CISD1: variants seen among roughly 807,000 people sequenced by gnomAD.
The protein encoded by CISD1 is CDGSH iron sulfur domain 1.
A neutral mutation model predicts 12.0 loss-of-function variants in CISD1; 8 were observed. The observed-to-expected ratio is 0.67, with a 90% CI of 0.39 to 1.20. The LOEUF (loss-of-function observed/expected upper bound fraction) is 1.20. CISD1 is among the 50% of genes most tolerant of loss of function. The pLI is 0.01. For synonymous variants in CISD1, 38 were observed against 42.2 expected (o/e 0.90, Z 0.39); for missense variants, 107 against 132.7 (o/e 0.81, Z 0.95).
intron 1 of CISD1, chr10:58,276,294 T>C (rs1839314210): frequency 6.6e-6 from 1 of 152,174 alleles, no homozygotes; most frequent in Admixed American, 6.5e-5. Flanking sequence ...GTCAGTTTTT[T>C]TATTATTAGA....
At chr10:58,274,508 A>C (rs1839289778) in intron 1 of CISD1, among the ~76,000 whole-genome samples, 1 of 145,422 alleles carries the variant, frequency 6.9e-6, no homozygotes, top group Non-Finnish European at 1.5e-5. Flanking sequence ...GAGATTACAG[A>C]ATTAGAATTT....
At chr10:58,285,518 A>T (rs1839419360) in intron 2 of CISD1, among the ~76,000 whole-genome samples, 2 of 152,220 alleles carry the variant, frequency 1.3e-5, no homozygotes, top group African/African-American at 4.8e-5. Context: ...GAAACTCTAG[A>T]TTCTAGAGTG....
intron 2 of CISD1, among the ~76,000 whole-genome samples, 185 bp downstream of exon 2, chr10:58,277,507 C>T (rs1387989397): frequency 6.6e-6 from 1 of 151,986 alleles, no homozygotes; most frequent in Non-Finnish European, 1.5e-5. Context: ...GCAACCTCCA[C>T]CTCCCGGTTC....
In CISD1 at chr10:58,269,207, C is replaced by G; in HGVS notation, c.-67C>G. 3 of 1,553,422 alleles carry G rather than the reference C, an allele frequency of 1.9e-6. No individual in the cohort carries two copies. Among genetic ancestry groups the G allele is most frequent in the East Asian group, 4.5e-5 (2 of 44,614 alleles). On this transcript the variant is annotated 5_prime_UTR_variant, in exon 1 of 3. Transcript: ENST00000333926. The stretch of plus-strand genomic sequence containing the variant: ...TTAGTACGCCGCTGGCACCTTTACT[C>G]TCGCCGGCCGCGCGAACCCGTTTGA...
At chr10:58,271,203 C>A (rs1839244437) in intron 1 of CISD1, among the ~76,000 whole-genome samples, 1 of 145,628 alleles carries the variant, frequency 6.9e-6, no homozygotes, top group South Asian at 2.2e-4. Context: ...CTACGCCCGG[C>A]TAATTTTTTG....
At chr10:58,274,275 T>C (rs576427680) in intron 1 of CISD1, among the ~76,000 whole-genome samples, 22 of 152,240 alleles carry the variant, frequency 1.4e-4, no homozygotes, top group African/African-American at 4.8e-4. Context: ...ATTTCTCAGG[T>C]CTTCAGTTCT....
chr10:58,271,853 C>A (rs920567880), intron 1 of CISD1, among the ~76,000 whole-genome samples: 2 of 152,180 alleles, frequency 1.3e-5, no homozygotes, highest in East Asian at 1.9e-4. Context: ...AGATCCTGAT[C>A]ATTGAGATAG....
rs758777375 is a variant in CISD1 at position 58,277,269 on chromosome 10, A to C, written c.184A>C (p.Met62Leu). 1.2e-6 allele frequency: 2 copies of C among 1,611,362 alleles called. No individual in the cohort carries two copies. The highest frequency in any genetic ancestry group is 1.7e-6 in the Non-Finnish European group (2 of 1,178,890). ...DNPKIVHAFDMEDLGDKAVYC... is the reference protein window; with the variant it reads ...DNPKIVHAFDLEDLGDKAVYC... ...CCCCAAGATAGTACATGCTTTTGAC[A>C]TGGAGGATTTGGGAGATAAAGCTGT... Residue 62 changes from methionine to leucine, a missense_variant, in exon 2 of 3, where the codon ATG (methionine) becomes CTG (leucine). Physicochemically the swap from Met to Leu is conservative, Grantham distance 15. Transcript: ENST00000333926.
At chr10:58,278,472 A>AGCTGTGATTGCATCAC (rs373259717) in intron 2 of CISD1, among the ~76,000 whole-genome samples, 29 of 152,166 alleles carry the variant, frequency 1.9e-4, no homozygotes, top group African/African-American at 5.1e-4. Flanking sequence ...GGCTGCAGTT[A>AGCTGTGATTGCATCAC]GCTGTGATTG....
chr10:58,285,796 CAG>C (rs1564547824), intron 2 of CISD1, among the ~76,000 whole-genome samples: 1 of 151,980 alleles, frequency 6.6e-6, no homozygotes, highest in Non-Finnish European at 1.5e-5. Flanking sequence ...AAAAATATGA[CAG>C]AAATAATCTT....
At chr10:58,280,950 TTAAC>T (rs1328014839) in intron 2 of CISD1, among the ~76,000 whole-genome samples, 1 of 152,142 alleles carries the variant, frequency 6.6e-6, no homozygotes, top group East Asian at 1.9e-4. Flanking sequence ...AAAGTGCAAA[TTAAC>T]TAATAAAGAA....
intron 1 of CISD1, among the ~76,000 whole-genome samples, chr10:58,275,418 C>T (rs931524560): frequency 5.3e-5 from 8 of 152,122 alleles, no homozygotes; most frequent in African/African-American, 1.9e-4. Flanking sequence ...CAGGGTAATA[C>T]CATGAAGCAG....
At chr10:58,282,185 C>T (rs1839380901) in intron 2 of CISD1, among the ~76,000 whole-genome samples, 1 of 152,118 alleles carries the variant, frequency 6.6e-6, no homozygotes, top group African/African-American at 2.4e-5. Flanking sequence ...TGATCTTGAA[C>T]TCCTGACCTC....
chr10:58,274,427 G>GATAAA (rs1839287387), intron 1 of CISD1, among the ~76,000 whole-genome samples: 2 of 131,142 alleles, frequency 1.5e-5, no homozygotes, highest in Admixed American at 7.9e-5. Flanking sequence ...CTCATGAAGT[G>GATAAA]ATAAAATAAC....
intron 1 of CISD1, among the ~76,000 whole-genome samples, chr10:58,274,466 T>C (rs1839288489): frequency 6.8e-6 from 1 of 146,530 alleles, no homozygotes; most frequent in East Asian, 2.0e-4. Flanking sequence ...TTTTTTTTTT[T>C]ACTTCTGGGA....
intron 2 of CISD1, among the ~76,000 whole-genome samples, chr10:58,281,186 C>T (rs1015641423): frequency 6.6e-6 from 1 of 152,154 alleles, no homozygotes; most frequent in African/African-American, 2.4e-5. Flanking sequence ...TGGACACAAA[C>T]TAGTGGTGTA....
chr10:58,269,315 G>A lies in CISD1; in HGVS notation c.31+11G>A. The A allele has an allele frequency of 6.2e-7, 1 of 1,607,132 alleles. No individual in the cohort carries two copies. The highest frequency in any genetic ancestry group is 2.2e-5 in the East Asian group (1 of 44,774). On this transcript the variant is annotated intron_variant, in intron 1 of 2. Transcript: ENST00000333926. ...GTTCCAGCGTACGAGGTGAAGTGGG[G>A]CCTGGGAGCGGGTGAGGCTGGTGAG... is the stretch of plus-strand genomic sequence containing the variant.
chr10:58,287,855 A>C lies in CISD1; in HGVS notation c.*205A>C. On this transcript the variant is annotated 3_prime_UTR_variant, in exon 3 of 3. Coordinates refer to ENST00000333926, the MANE Select transcript of CISD1 (RefSeq NM_018464.5). ...AACAAAAAAAAAAAAAAAAAGGAAA[A>C]ACCAACCTGCATGGCCTGTGGGTTA... The C allele has an allele frequency of 4.9e-6, 1 of 205,934 alleles. No individual in the cohort carries two copies. The highest frequency in any genetic ancestry group is 5.4e-5 in the East Asian group (1 of 18,444). 12.8% of individuals were successfully genotyped at this position (205,934 alleles called of 1,614,324 possible).
At chr10:58,271,220 T>C (rs921167457) in intron 1 of CISD1, among the ~76,000 whole-genome samples, 2 of 109,930 alleles carry the variant, frequency 1.8e-5, no homozygotes, top group Non-Finnish European at 3.6e-5. Context: ...TTTGTATTTT[T>C]AGTAGAGACG....
Sources: allele counts gnomAD v4.1 joint callset (sites outside exome capture counted in the v4.1 genomes callset), GRCh38; gene constraint gnomAD v4.1.1; transcripts MANE v1.5; gene names NCBI Gene and HGNC (gene_info 2026-07-23, HGNC 2026-07-21).